The following KCNQ5 variants were observed in gnomAD, a reference collection of about 807,000 sequenced individuals.
KCNQ5 encodes the protein potassium voltage-gated channel subfamily Q member 5, also known as potassium voltage-gated channel subfamily KQT member 5.
KCNQ5 carries 30 observed loss-of-function variants against 98.2 expected under a neutral mutation model. The ratio of observed to expected loss-of-function variants is 0.31; its 90% CI spans 0.23 to 0.41. The LOEUF (loss-of-function observed/expected upper bound fraction) is 0.41. Among genes scored for constraint, KCNQ5 ranks in the 10% least tolerant of loss-of-function variants. The probability of loss-of-function intolerance (pLI) is 1.00; values close to 1 mark genes in which losing one functional copy is unlikely to be tolerated. For missense variants in KCNQ5, 835 were observed against 1,182.5 expected (o/e 0.71, Z 4.31); for synonymous variants, 458 against 449.4 (o/e 1.02, Z -0.24).
intron 10 of KCNQ5, among the ~76,000 whole-genome samples, chr6:73,144,476 G>A (rs987362173): frequency 4.6e-5 from 7 of 152,158 alleles, no homozygotes; most frequent in Non-Finnish European, 7.3e-5. Flanking sequence ...AGTAGCAATT[G>A]TTATACCACA....
chr6:72,666,071 A>G (rs545775830), intron 1 of KCNQ5, among the ~76,000 whole-genome samples: 1 of 152,322 alleles, frequency 6.6e-6, no homozygotes, highest in Non-Finnish European at 1.5e-5. Flanking sequence ...TGTGGGAGTA[A>G]AATAGGAGTA....
intron 1 of KCNQ5, among the ~76,000 whole-genome samples, chr6:72,818,295 T>C (rs1371092199): frequency 1.3e-5 from 2 of 152,148 alleles, no homozygotes; most frequent in African/African-American, 4.8e-5. Context: ...CTCTCTTGAT[T>C]ATAACCATAC....
intron 1 of KCNQ5, among the ~76,000 whole-genome samples, chr6:72,905,354 C>T (rs536234295): frequency 1.3e-5 from 2 of 152,124 alleles, no homozygotes; most frequent in African/African-American, 4.8e-5. Context: ...TAATAAATAA[C>T]CTCCTGAATT....
intron 10 of KCNQ5, among the ~76,000 whole-genome samples, chr6:73,149,056 G>A (rs1318495835): frequency 6.6e-6 from 1 of 152,208 alleles, no homozygotes. Flanking sequence ...ATTGAGGGAT[G>A]TGAACCAGGT....
At chr6:73,051,705 CAAAAAAAAAAAAAAAAAAAAAA>C (rs201199934) in intron 3 of KCNQ5, among the ~76,000 whole-genome samples, 147 of 97,180 alleles carry the variant, frequency 1.5e-3, no homozygotes, top group African/African-American at 5.0e-3. Flanking sequence ...AAGATAGAGG[CAAAAAAAAAAAAAAAAAAAAAA>C]AAAAAAAAAA....
intron 9 of KCNQ5, among the ~76,000 whole-genome samples, chr6:73,127,867 A>C (rs1423592965): frequency 6.6e-6 from 1 of 152,220 alleles, no homozygotes; most frequent in East Asian, 1.9e-4. Context: ...GTTCGAGACC[A>C]GCCTGGCCAA....
At chr6:72,644,636 G>T (rs983607653) in intron 1 of KCNQ5, among the ~76,000 whole-genome samples, 3 of 152,134 alleles carry the variant, frequency 2.0e-5, no homozygotes, top group Admixed American at 6.6e-5. Flanking sequence ...TTTCTGGAAG[G>T]ATTAAACTAC....
At chr6:72,871,411 T>G (rs1282774074) in intron 1 of KCNQ5, among the ~76,000 whole-genome samples, 1 of 152,188 alleles carries the variant, frequency 6.6e-6, no homozygotes. Flanking sequence ...TTGTAATGCA[T>G]TTACATATTA....
chr6:72,737,959 T>A (rs918471891), intron 1 of KCNQ5, among the ~76,000 whole-genome samples: 1 of 152,024 alleles, frequency 6.6e-6, no homozygotes. Context: ...ATCAAGACCA[T>A]CCTGGCTAAC....
chr6:72,760,607 C>G (rs1772218510), intron 1 of KCNQ5, among the ~76,000 whole-genome samples: 1 of 151,924 alleles, frequency 6.6e-6, no homozygotes. Flanking sequence ...TAAAAATAGC[C>G]ATAAGTCTCT....
At chr6:73,187,803 G>A (rs1358065362) in intron 11 of KCNQ5, among the ~76,000 whole-genome samples, 1 of 152,196 alleles carries the variant, frequency 6.6e-6, no homozygotes, top group Non-Finnish European at 1.5e-5. Context: ...GACTGCGTGA[G>A]TGCTAGAGTG....
intron 1 of KCNQ5, among the ~76,000 whole-genome samples, chr6:72,927,231 C>A (rs542941072): frequency 1.3e-5 from 2 of 152,064 alleles, no homozygotes; most frequent in Non-Finnish European, 2.9e-5. Flanking sequence ...TTTTACAACC[C>A]GAATTCTGTA....
chr6:72,878,511 G>A (rs62412473), intron 1 of KCNQ5, among the ~76,000 whole-genome samples: 42,734 of 151,776 alleles, frequency 0.28, 6,150 homozygotes, highest in Non-Finnish European at 0.29. Context: ...ATACAACTTT[G>A]TTTTCTCTAC....
chr6:72,837,863 A>G (rs1229749054), intron 1 of KCNQ5, among the ~76,000 whole-genome samples: 2 of 152,180 alleles, frequency 1.3e-5, no homozygotes, highest in Non-Finnish European at 2.9e-5. Context: ...ATATTTGGAA[A>G]GTACACTATA....
At chr6:73,096,725 TC>T (rs1388455302) in intron 5 of KCNQ5, among the ~76,000 whole-genome samples, 1 of 152,234 alleles carries the variant, frequency 6.6e-6, no homozygotes, top group Admixed American at 6.5e-5. Flanking sequence ...AATTAACATA[TC>T]CACCACTTCA....
chr6:72,925,514 G>A (rs1765373723), intron 1 of KCNQ5, among the ~76,000 whole-genome samples: 1 of 152,166 alleles, frequency 6.6e-6, no homozygotes, highest in African/African-American at 2.4e-5. Context: ...TGTGCCACTT[G>A]CTCTTCTAGA....
intron 1 of KCNQ5, among the ~76,000 whole-genome samples, chr6:72,737,024 G>T (rs149981396): frequency 6.6e-6 from 1 of 151,726 alleles, no homozygotes; most frequent in Non-Finnish European, 1.5e-5. Context: ...ACAGTGGCGC[G>T]ATCTCAGCTC....
At chr6:72,637,215 C>T (rs935130490) in intron 1 of KCNQ5, among the ~76,000 whole-genome samples, 1 of 151,360 alleles carries the variant, frequency 6.6e-6, no homozygotes, top group Non-Finnish European at 1.5e-5. Context: ...TTTTTTCTCC[C>T]TAAATGGGTT....
intron 1 of KCNQ5, among the ~76,000 whole-genome samples, chr6:72,688,089 G>A (rs1013183305): frequency 3.3e-5 from 5 of 151,922 alleles, no homozygotes; most frequent in Admixed American, 6.6e-5. Context: ...CACCTGCCTC[G>A]GCCTCCCAAT....
Sources: gnomAD v4.1 joint callset for allele counts (sites outside exome capture counted in the v4.1 genomes callset) on GRCh38, gnomAD v4.1.1 for gene constraint, MANE v1.5 for transcripts, NCBI Gene and HGNC (gene_info 2026-07-23, HGNC 2026-07-21) for gene names.